TST: variants seen among roughly 807,000 people sequenced by gnomAD.
TST encodes thiosulfate sulfurtransferase.
Under a neutral mutation model 20.4 loss-of-function variants are expected in TST, and 22 were observed. That is an observed-to-expected ratio of 1.08 (90% CI 0.77 to 1.54). TST has a LOEUF of 1.54. TST is among the 40% of genes most tolerant of loss of function. The probability of loss-of-function intolerance (pLI) is 0.00; values close to 1 mark genes in which losing one functional copy is unlikely to be tolerated. For synonymous variants in TST, 187 were observed against 173.8 expected (o/e 1.08, Z -0.60); for missense variants, 392 against 405.2 (o/e 0.97, Z 0.28).
Position 37,018,172 on chromosome 22 carries a change from C to T in TST, c.561G>A (p.Arg187=), listed in dbSNP as rs1316197128. Residue 187 remains arginine, a synonymous_variant, in exon 2 of 3, where the codon CGG becomes CGA. Transcript: ENST00000249042. The part of the protein sequence containing the change: ...FQLVDSRSQG[R]FLGTEPEPDA... ...CCGGCTCCGGCTCGGTGCCCAGGAA[C>T]CGCCCTTGAGACCTTGAATCCACCA... is the stretch of plus-strand genomic sequence containing the variant. The T allele has an allele frequency of 3.2e-6, 5 of 1,579,320 alleles. No individual in the cohort carries two copies. Among genetic ancestry groups the T allele is most frequent in the Middle Eastern group, 3.8e-4 (2 of 5,208 alleles).
At position 37,010,964 on chromosome 22, in the gene TST, C is replaced by T. The variant is rs1922442784; in HGVS notation, c.*63G>A. On this transcript the variant is annotated 3_prime_UTR_variant, in exon 3 of 3. Transcript: ENST00000249042. ...ATCTCCTTCACCTAAGAGGTAAGAA[C>T]CGGCTGTAAGTCATGGGGTCACTAA... is the stretch of plus-strand genomic sequence containing the variant. 3.2e-6 allele frequency: 5 copies of T among 1,551,152 alleles called. No homozygotes were observed. The highest frequency in any genetic ancestry group is 4.4e-6 in the Non-Finnish European group (5 of 1,145,252).
chr22:37,011,376 A>G (rs1417484778), intron 2 of TST, 51 bp from the exon 3 acceptor site: 2 of 1,564,156 alleles, frequency 1.3e-6, no homozygotes, highest in Non-Finnish European at 8.7e-7. Flanking sequence ...GGTGGGGACT[A>G]ATGGGGCCTG....
chr22:37,011,461 C>G lies in TST; in HGVS notation c.596-136G>C, dbSNP rs1047469680. On this transcript the variant is annotated intron_variant, in intron 2 of 2. Coordinates refer to ENST00000249042, the MANE Select transcript of TST (RefSeq NM_003312.6). Reference sequence around the variant, plus strand: ...AATAACATCTTTGCTCTGCTTGGAGCTCAATTTATTCCCAGCCCCACCTAT... The same window carrying G: ...AATAACATCTTTGCTCTGCTTGGAGGTCAATTTATTCCCAGCCCCACCTAT... 3 of 984,134 alleles carry G rather than the reference C, an allele frequency of 3.0e-6. No homozygotes were observed. The African/African-American group carries it at 4.9e-5, about 16-fold the overall frequency. 61.0% of individuals were successfully genotyped at this position (984,134 alleles called of 1,614,324 possible).
intron 2 of TST, among the ~76,000 whole-genome samples, chr22:37,012,346 G>A (rs1435536847): frequency 2.6e-5 from 4 of 152,230 alleles, no homozygotes; most frequent in African/African-American, 4.8e-5. Context: ...GCCAAATCTG[G>A]CTTCAGAAGA....
intron 2 of TST, among the ~76,000 whole-genome samples, chr22:37,012,650 G>A (rs572025013): frequency 2.6e-5 from 4 of 152,334 alleles, no homozygotes; most frequent in Non-Finnish European, 4.4e-5. Flanking sequence ...AGTGGGAGGG[G>A]AAGGATCTGA....
At chr22:37,013,919 G>A (rs927224456) in intron 2 of TST, among the ~76,000 whole-genome samples, 1 of 152,162 alleles carries the variant, frequency 6.6e-6, no homozygotes, top group African/African-American at 2.4e-5. Flanking sequence ...CCCCTTCTGA[G>A]TAAAGATGAA....
upstream of TST, chr22:37,020,179 A>C: frequency 2.9e-6 from 1 of 345,246 alleles, no homozygotes. Context: ...CCCCAGGAAG[A>C]GACACTAGCC....
chr22:37,014,266 A>G (rs1364307703), intron 2 of TST, among the ~76,000 whole-genome samples: 1 of 152,208 alleles, frequency 6.6e-6, no homozygotes, highest in African/African-American at 2.4e-5. Context: ...GCTACTCGGG[A>G]GGCTGAGGCA....
intron 1 of TST, chr22:37,019,052 C>G (rs1922842419): frequency 6.7e-6 from 2 of 297,772 alleles, no homozygotes; most frequent in Admixed American, 9.1e-5. Flanking sequence ...CTAGAAGTTA[C>G]AGTACTCGAT....
At chr22:37,016,704 G>A (rs936502961) in intron 2 of TST, among the ~76,000 whole-genome samples, 1 of 152,186 alleles carries the variant, frequency 6.6e-6, no homozygotes, top group African/African-American at 2.4e-5. Flanking sequence ...GGAGAGGGCT[G>A]CAGGCGTTCC....
chr22:37,011,642 TCA>T (rs748883118), intron 2 of TST, among the ~76,000 whole-genome samples: 16 of 152,276 alleles, frequency 1.1e-4, no homozygotes, highest in African/African-American at 3.6e-4. Context: ...TCTCTGAACC[TCA>T]GTTTTCTCAT....
rs1922810351 is a variant in TST at position 37,018,643 on chromosome 22, C to T, written c.90G>A (p.Arg30=). 5 of 1,568,352 alleles carry T rather than the reference C, an allele frequency of 3.2e-6. No individual in the cohort carries two copies. The South Asian group carries it at 5.8e-5, about 18-fold the overall frequency. ...IRTGKLGPGL[R]VLDASWYSPG... is the part of the protein sequence containing the mutation. Reference sequence around the variant, plus strand: ...GTGAGTACCAGGACGCGTCCAGCACCCGCAGGCCGGGCCCCAGCTTGCCAG... The same window carrying T: ...GTGAGTACCAGGACGCGTCCAGCACTCGCAGGCCGGGCCCCAGCTTGCCAG... The change falls in exon 2 of 3, where the codon CGG becomes CGA. Residue 30 remains arginine, a synonymous_variant. Coordinates refer to ENST00000249042, the MANE Select transcript of TST (RefSeq NM_003312.6).
At chr22:37,019,731 G>A (rs1355145237), upstream of TST, 4 of 469,416 alleles carry the variant, frequency 8.5e-6, no homozygotes, top group South Asian at 4.4e-4. Context: ...GAGTGGCCGC[G>A]GCGGTGGGCT....
At chr22:37,012,172 G>A (rs1922502884) in intron 2 of TST, among the ~76,000 whole-genome samples, 3 of 152,158 alleles carry the variant, frequency 2.0e-5, no homozygotes, top group Admixed American at 2.0e-4. Flanking sequence ...CTGCCATGCT[G>A]CGCCCCCAGC....
intron 2 of TST, among the ~76,000 whole-genome samples, chr22:37,016,514 C>T (rs1253148033): frequency 1.3e-5 from 2 of 151,908 alleles, no homozygotes; most frequent in Admixed American, 1.3e-4. Context: ...CTCTGAGCCT[C>T]AGTTTCCTCA....
intron 2 of TST, among the ~76,000 whole-genome samples, chr22:37,014,047 A>T (rs1471368410): frequency 2.0e-5 from 3 of 151,726 alleles, no homozygotes; most frequent in Non-Finnish European, 4.4e-5. Flanking sequence ...GCTGAGATGA[A>T]CCTGGGCCAG....
Position 37,018,516 on chromosome 22 carries a change from T to C in TST, c.217A>G (p.Met73Val). The C allele has an allele frequency of 2.5e-6, 4 of 1,599,272 alleles. No individual in the cohort carries two copies. Among genetic ancestry groups the C allele is most frequent in the Non-Finnish European group, 2.6e-6 (3 of 1,172,424 alleles). ...ECRDTASPYE[M>V]MLPSEAGFAE... Reference sequence around the variant, plus strand: ...AAGCCAGCCTCGCTGGGCAGCATCATCTCGTAGGGCGACGCCGTGTCCCGG... The same window carrying C: ...AAGCCAGCCTCGCTGGGCAGCATCACCTCGTAGGGCGACGCCGTGTCCCGG... The change falls in exon 2 of 3, where the codon ATG (methionine) becomes GTG (valine). Residue 73 changes from methionine (M) to valine (V), a missense_variant. Coordinates refer to ENST00000249042, the MANE Select transcript of TST (RefSeq NM_003312.6).
chr22:37,016,158 G>A (rs1038763448), intron 2 of TST, among the ~76,000 whole-genome samples: 1 of 151,658 alleles, frequency 6.6e-6, no homozygotes, highest in Non-Finnish European at 1.5e-5. Flanking sequence ...TGTTGGTCAG[G>A]CTGGTCTCGA....
At position 37,018,568 on chromosome 22, in the gene TST, G is replaced by A; in HGVS notation, c.165C>T (p.Gly55=). 6.4e-7 allele frequency: 1 copy of A among 1,564,874 alleles called. No individual in the cohort carries two copies. Among genetic ancestry groups the A allele is most frequent in the Non-Finnish European group, 8.7e-7 (1 of 1,154,842 alleles). Residue 55 remains glycine, a synonymous_variant, in exon 2 of 3, where the codon GGC becomes GGT. Coordinates refer to ENST00000249042, the MANE Select transcript of TST (RefSeq NM_003312.6). The stretch of plus-strand genomic sequence containing the variant: ...ACTCTTCTATGTCAAAGAAAGAGGC[G>A]CCGGGTACGTGGCGCTCGAGGTACT... ...RKEYLERHVP[G]ASFFDIEECR...
Sources: gnomAD v4.1 joint callset for allele counts (sites outside exome capture counted in the v4.1 genomes callset) on GRCh38, gnomAD v4.1.1 for gene constraint, MANE v1.5 for transcripts, NCBI Gene and HGNC (gene_info 2026-07-23, HGNC 2026-07-21) for gene names.